MCF2L2: variants seen among roughly 807,000 people sequenced by gnomAD.
The protein encoded by MCF2L2 is probable guanine nucleotide exchange factor MCF2L2.
Under a neutral mutation model 150.2 loss-of-function variants are expected in MCF2L2, and 102 were observed. The ratio of observed to expected loss-of-function variants is 0.68; its 90% CI spans 0.58 to 0.80. The LOEUF (loss-of-function observed/expected upper bound fraction) is 0.80. Among genes scored for constraint, MCF2L2 ranks in the 30% least tolerant of loss-of-function variants. The pLI is 0.00. For missense variants in MCF2L2, 1,256 were observed against 1,372.8 expected (o/e 0.91, Z 1.34); for synonymous variants, 465 against 491.3 (o/e 0.95, Z 0.71).
intron 1 of MCF2L2, among the ~76,000 whole-genome samples, chr3:183,417,443 T>C (rs922993811): frequency 2.0e-5 from 3 of 152,100 alleles, no homozygotes; most frequent in Admixed American, 2.0e-4. Flanking sequence ...TACTTTTGTT[T>C]AACATAATTG....
chr3:183,336,163 T>C (rs760931477), intron 5 of MCF2L2, among the ~76,000 whole-genome samples: 3 of 152,010 alleles, frequency 2.0e-5, no homozygotes, highest in Non-Finnish European at 2.9e-5. Flanking sequence ...ACATAATACA[T>C]GTAACTGTAA....
chr3:183,358,951 T>C (rs1172239782), intron 3 of MCF2L2, among the ~76,000 whole-genome samples: 1 of 151,816 alleles, frequency 6.6e-6, no homozygotes, highest in Non-Finnish European at 1.5e-5. Context: ...TAACATTAAA[T>C]GTTAAAAGAT....
At chr3:183,272,281 G>T (rs1317225307) in intron 15 of MCF2L2, 5 of 1,000,202 alleles carry the variant, frequency 5.0e-6, no homozygotes, top group African/African-American at 1.7e-5. Flanking sequence ...AGAACTAGGT[G>T]GTGTCTACTG....
chr3:183,300,146 G>A lies in MCF2L2; in HGVS notation c.1164C>T (p.Ile388=). The A allele has an allele frequency of 6.2e-7, 1 of 1,613,668 alleles. No homozygotes were observed. The highest frequency in any genetic ancestry group is 8.5e-7 in the Non-Finnish European group (1 of 1,179,908). The change falls in exon 11 of 30, where the codon ATC becomes ATT. Residue 388 remains isoleucine, a synonymous_variant. Coordinates refer to ENST00000328913, the MANE Select transcript of MCF2L2 (RefSeq NM_015078.4). ...CATCTGCTGCATAATGGTGGCTTTG[G>A]ATGAGCTGGTCCCCAACCAGTGCCA... ...QLLALVGDQL[I]QSHHYAADAI... is the part of the protein sequence containing the mutation.
intron 3 of MCF2L2, among the ~76,000 whole-genome samples, chr3:183,351,794 A>G (rs372577173): frequency 1.3e-5 from 2 of 152,190 alleles, no homozygotes; most frequent in South Asian, 4.1e-4. Context: ...TAAATTTATT[A>G]GTCTAATTCA....
chr3:183,195,301 A>T, intron 25 of MCF2L2, 46 bp from the exon 26 acceptor site: 1 of 1,346,362 alleles, frequency 7.4e-7, no homozygotes. Flanking sequence ...ATTTAAGCTA[A>T]TTTGAATTGA....
At chr3:183,339,171 ATAT>A (rs1258735512) in intron 4 of MCF2L2, among the ~76,000 whole-genome samples, 2 of 152,220 alleles carry the variant, frequency 1.3e-5, no homozygotes, top group African/African-American at 4.8e-5. Context: ...AAAATAATTC[ATAT>A]TATTTATAGA....
intron 3 of MCF2L2, 96 bp downstream of exon 3, chr3:183,379,201 T>C: frequency 2.5e-6 from 2 of 815,240 alleles, no homozygotes; most frequent in South Asian, 1.9e-5. Context: ...GGGTACACCA[T>C]GCTCATGGAA....
chr3:183,349,627 T>A (rs80150465), intron 3 of MCF2L2, among the ~76,000 whole-genome samples: 7,767 of 152,282 alleles, frequency 0.051, 220 homozygotes, highest in East Asian at 0.12. Flanking sequence ...TTGTCAGACT[T>A]ATTTGTTTTC....
chr3:183,252,344 C>A (rs1724589174), intron 15 of MCF2L2, among the ~76,000 whole-genome samples: 2 of 152,144 alleles, frequency 1.3e-5, no homozygotes, highest in African/African-American at 4.8e-5. Context: ...ATATTTCTGT[C>A]TGTGGTCTGA....
At chr3:183,370,216 G>C (rs1712784603) in intron 3 of MCF2L2, among the ~76,000 whole-genome samples, 1 of 152,208 alleles carries the variant, frequency 6.6e-6, no homozygotes, top group Non-Finnish European at 1.5e-5. Context: ...GAGCTTTCCT[G>C]TGATGGATCC....
intron 15 of MCF2L2, among the ~76,000 whole-genome samples, chr3:183,255,798 G>T (rs1169388077): frequency 3.4e-5 from 5 of 148,992 alleles, no homozygotes; most frequent in Non-Finnish European, 7.4e-5. Flanking sequence ...CATTCAAATG[G>T]TGAGATTGTA....
rs778705721 is a variant in MCF2L2, at chr3:183,207,816, A to G, written c.2504T>C (p.Ile835Thr). 7 of 1,613,610 alleles carry G rather than the reference A, an allele frequency of 4.3e-6. No homozygotes were observed. Among genetic ancestry groups the G allele is most frequent in the African/African-American group, 4.0e-5 (3 of 74,930 alleles). ...LAAVTECPDD[I>T]GKLGKLLLHG... ...CAGCAACAGCTTGCCTAGTTTTCCA[A>G]TATCGTCCTTTTGGAAACACACATA... The change falls in exon 23 of 30, where the codon ATT becomes ACT. Residue 835 changes from isoleucine to threonine, a missense_variant. Coordinates refer to ENST00000328913, the MANE Select transcript of MCF2L2 (RefSeq NM_015078.4).
At chr3:183,404,884 A>T (rs1218847728) in intron 1 of MCF2L2, among the ~76,000 whole-genome samples, 1 of 152,130 alleles carries the variant, frequency 6.6e-6, no homozygotes, top group Non-Finnish European at 1.5e-5. Context: ...GAAAAAAAAA[A>T]TCTGAAATGT....
At chr3:183,424,330 C>T (rs1716052297) in intron 1 of MCF2L2, among the ~76,000 whole-genome samples, 1 of 152,122 alleles carries the variant, frequency 6.6e-6, no homozygotes, top group African/African-American at 2.4e-5. Flanking sequence ...GAGTGAAGCA[C>T]ATCACATGAG....
chr3:183,180,279 T>G, intron 27 of MCF2L2, 120 bp from the exon 28 acceptor site: 1 of 711,824 alleles, frequency 1.4e-6, no homozygotes, highest in Non-Finnish European at 2.5e-6. Flanking sequence ...CTCTAACTCC[T>G]GCTCTCCAAG....
rs71185653 is a variant in MCF2L2 at position 183,355,613 on chromosome 3, A to ATTTTTTT, written c.276-13990_276-13984dup. ...AGGCGCCCGCCACCACGCCCAGCTA[A>ATTTTTTT]TTTTTTTTTTTTTTTTTTTTTTTTT... On this transcript the variant is annotated intron_variant, in intron 3 of 29. Coordinates refer to ENST00000328913, the MANE Select transcript of MCF2L2 (RefSeq NM_015078.4). Among the ~76,000 whole-genome samples, 43 of 84,426 alleles carry ATTTTTTT rather than the reference A, an allele frequency of 5.1e-4. 1 individual carries two copies. Among genetic ancestry groups the ATTTTTTT allele is most frequent in the African/African-American group, 7.7e-4 (14 of 18,198 alleles). 55.4% of individuals were successfully genotyped at this position (84,426 alleles called of 152,430 possible).
chr3:183,365,954 C>T (rs1005260082), intron 3 of MCF2L2, among the ~76,000 whole-genome samples: 1 of 151,180 alleles, frequency 6.6e-6, no homozygotes, highest in Admixed American at 6.6e-5. Flanking sequence ...CATGAATAGA[C>T]AATTCAGTAC....
chr3:183,310,927 G>A lies in MCF2L2; in HGVS notation c.981C>T (p.His327=), dbSNP rs779024413. 1.7e-5 allele frequency: 28 copies of A among 1,611,396 alleles called. No homozygotes were observed. The highest frequency in any genetic ancestry group is 4.5e-5 in the East Asian group (2 of 44,832). The change falls in exon 9 of 30, where the codon CAC becomes CAT. Residue 327 remains histidine (H), a synonymous_variant. Coordinates refer to ENST00000328913, the MANE Select transcript of MCF2L2 (RefSeq NM_015078.4). The part of the protein sequence containing the change: ...NQCLQLQHFE[H]DFCKAKLALD... ...AAGAAAAGAATACCTTACAAAAATC[G>A]TGCTCAAAATGCTGTAGTTGTAGGC...
Sources: allele counts gnomAD v4.1 joint callset (sites outside exome capture counted in the v4.1 genomes callset), GRCh38; gene constraint gnomAD v4.1.1; transcripts MANE v1.5; gene names NCBI Gene and HGNC (gene_info 2026-07-23, HGNC 2026-07-21).